CHODL: variants seen among roughly 807,000 people sequenced by gnomAD.
CHODL encodes the protein transmembrane protein MT75.
In CHODL, 29 loss-of-function variants were observed where a neutral mutation model predicts 34.5. The observed-to-expected ratio is 0.84, with a 90% CI of 0.63 to 1.15. The LOEUF (loss-of-function observed/expected upper bound fraction) is 1.15. Among genes scored for constraint, CHODL ranks in the 50% most tolerant of loss-of-function variants. CHODL has a pLI of 0.00. For missense variants in CHODL, 332 were observed against 332.5 expected (o/e 1.00, Z 0.01); for synonymous variants, 125 against 116.1 (o/e 1.08, Z -0.49).
intron 2 of CHODL, among the ~76,000 whole-genome samples, chr21:18,122,625 A>G (rs1038846749): frequency 6.6e-6 from 1 of 152,202 alleles, no homozygotes; most frequent in African/African-American, 2.4e-5. Flanking sequence ...CAGAAGTAAC[A>G]TCACCAAAGA....
intron 2 of CHODL, among the ~76,000 whole-genome samples, chr21:18,086,845 G>T (rs1386781742): frequency 6.6e-6 from 1 of 152,162 alleles, no homozygotes; most frequent in Non-Finnish European, 1.5e-5. Flanking sequence ...CAGATAGCTT[G>T]CTTATAAGCC....
intron 1 of CHODL, among the ~76,000 whole-genome samples, chr21:17,923,882 A>T (rs1010258098): frequency 6.6e-6 from 1 of 152,220 alleles, no homozygotes; most frequent in African/African-American, 2.4e-5. Flanking sequence ...CAACACAAAG[A>T]TAGCTTTAAA....
At chr21:18,016,418 A>G (rs909399546) in intron 1 of CHODL, among the ~76,000 whole-genome samples, 1 of 152,222 alleles carries the variant, frequency 6.6e-6, no homozygotes. Context: ...GCCTCCACCT[A>G]GATTTCAGAG....
chr21:18,035,845 G>C (rs948767129), intron 2 of CHODL, among the ~76,000 whole-genome samples: 1 of 151,632 alleles, frequency 6.6e-6, no homozygotes, highest in Non-Finnish European at 1.5e-5. Flanking sequence ...TTATTTTCTT[G>C]AATATATGAA....
rs538963953 is a variant in CHODL at position 17,989,233 on chromosome 21, T to G, written c.-144-38639T>G. The stretch of plus-strand genomic sequence containing the variant: ...ATGCAGAATACTGTTTGGGGGAAGA[T>G]CACTTACCTGCAAATCATCCTGGCT... On this transcript the variant is annotated intron_variant, in intron 1 of 6. Transcript: ENST00000400127. Among the ~76,000 whole-genome samples, 48 of 152,260 alleles carry G rather than the reference T, an allele frequency of 3.2e-4. 1 individual carries two copies. In the South Asian group the frequency reaches 8.7e-3, roughly 28 times the overall value.
At position 18,245,123 on chromosome 21, in the gene CHODL, G is replaced by C. The variant is rs1235809644; in HGVS notation, c.-101G>C. 6 of 1,044,292 alleles carry C rather than the reference G, an allele frequency of 5.7e-6. No homozygotes were observed. In the East Asian group the frequency reaches 1.9e-4, roughly 34 times the overall value. 64.7% of individuals were successfully genotyped at this position (1,044,292 alleles called of 1,614,324 possible). On this transcript the variant is annotated 5_prime_UTR_variant, in exon 1 of 6. Transcript: ENST00000299295. ...GGCTCGGGCGGCGGGAGTAGGGCCC[G>C]GCAGGGAGGCAGGGAGGCTGCAGAG... is the stretch of plus-strand genomic sequence containing the variant.
intron 2 of CHODL, among the ~76,000 whole-genome samples, chr21:18,161,321 T>C (rs2073092870): frequency 6.6e-6 from 1 of 152,228 alleles, no homozygotes; most frequent in Non-Finnish European, 1.5e-5. Flanking sequence ...ATTTGCAGAG[T>C]TTAATTCCAT....
In CHODL at chr21:18,032,565, G is replaced by A. The variant is rs535966609; in HGVS notation, c.-45+4594G>A. ...TCCAATATGACTGGTGCTGAAGATA[G>A]ATGACTTCAGGAAAATGACAGGTGG... On this transcript the variant is annotated intron_variant, in intron 2 of 6. Coordinates refer to the CHODL transcript ENST00000400127. Among the ~76,000 whole-genome samples the A allele has an allele frequency of 2.0e-5, 3 of 152,180 alleles. No individual in the cohort carries two copies. In the East Asian group the frequency reaches 5.8e-4, roughly 29 times the overall value.
At chr21:18,053,501 C>T (rs1028827316) in intron 2 of CHODL, among the ~76,000 whole-genome samples, 2 of 151,788 alleles carry the variant, frequency 1.3e-5, no homozygotes, top group African/African-American at 2.4e-5. Context: ...TAAAATTTTA[C>T]AGCGACTTCA....
chr21:17,955,426 C>G (rs1355865317), intron 1 of CHODL, among the ~76,000 whole-genome samples: 1 of 137,224 alleles, frequency 7.3e-6, no homozygotes, highest in Non-Finnish European at 1.7e-5. Context: ...AATTGTTCTA[C>G]TCCTTTCTCT....
At chr21:17,984,293 C>A (rs781451250) in intron 1 of CHODL, among the ~76,000 whole-genome samples, 2 of 152,144 alleles carry the variant, frequency 1.3e-5, no homozygotes, top group African/African-American at 2.4e-5. Context: ...TCAATGGACA[C>A]TATATCTTGG....
chr21:18,155,980 C>T (rs549090380), intron 2 of CHODL, among the ~76,000 whole-genome samples: 41 of 152,198 alleles, frequency 2.7e-4, no homozygotes, highest in Non-Finnish European at 5.9e-5. Context: ...AATACTTATA[C>T]TCAAGTCAGA....
At chr21:18,213,673 T>G (rs1161766387) in intron 2 of CHODL, among the ~76,000 whole-genome samples, 2 of 152,042 alleles carry the variant, frequency 1.3e-5, no homozygotes, top group Non-Finnish European at 2.9e-5. Flanking sequence ...TACTAAGAAC[T>G]TGGGGTCATC....
intron 1 of CHODL, among the ~76,000 whole-genome samples, chr21:18,023,788 C>T (rs2064149294): frequency 6.6e-6 from 1 of 152,096 alleles, no homozygotes; most frequent in Non-Finnish European, 1.5e-5. Flanking sequence ...TACATTCCAC[C>T]TCTCTTTCTC....
At chr21:17,923,327 G>T (rs1229911603) in intron 1 of CHODL, among the ~76,000 whole-genome samples, 1 of 150,076 alleles carries the variant, frequency 6.7e-6, no homozygotes, top group Non-Finnish European at 1.5e-5. Context: ...GCTGACAACT[G>T]CCCTATGAGG....
At chr21:17,999,209 G>T (rs1383980732) in intron 1 of CHODL, among the ~76,000 whole-genome samples, 1 of 152,176 alleles carries the variant, frequency 6.6e-6, no homozygotes, top group African/African-American at 2.4e-5. Context: ...CACCTTTGCT[G>T]CAGTTCCCAG....
chr21:18,063,773 C>T (rs1158028824), intron 2 of CHODL, among the ~76,000 whole-genome samples: 1 of 152,102 alleles, frequency 6.6e-6, no homozygotes, highest in Non-Finnish European at 1.5e-5. Flanking sequence ...ATTTTCATTG[C>T]TTTTAAGATA....
chr21:18,168,633 T>C (rs918140022), intron 2 of CHODL, among the ~76,000 whole-genome samples: 1 of 152,218 alleles, frequency 6.6e-6, no homozygotes, highest in African/African-American at 2.4e-5. Flanking sequence ...GTCTTTTTAT[T>C]GTTGAATTGT....
intron 2 of CHODL, among the ~76,000 whole-genome samples, chr21:18,197,733 A>C (rs565590644): frequency 6.6e-6 from 1 of 152,234 alleles, no homozygotes; most frequent in Non-Finnish European, 1.5e-5. Flanking sequence ...TTGATAGCAC[A>C]CTGGGTGCCA....
Sources: gnomAD v4.1 joint callset for allele counts (sites outside exome capture counted in the v4.1 genomes callset) on GRCh38, gnomAD v4.1.1 for gene constraint, MANE v1.5 for transcripts, NCBI Gene and HGNC (gene_info 2026-07-23, HGNC 2026-07-21) for gene names.